GPC3: variants seen among roughly 807,000 people sequenced by gnomAD.
GPC3 encodes the protein glypican-3.
A neutral mutation model predicts 34.4 loss-of-function variants in GPC3; 3 were observed. That is an observed-to-expected ratio of 0.09 (90% CI 0.04 to 0.23). GPC3 has a LOEUF of 0.23. GPC3 is among the 10% of genes least tolerant of loss of function. GPC3 has a pLI of 1.00. For missense variants in GPC3, 351 were observed against 445.6 expected, an observed-to-expected ratio of 0.79 and a Z score of 1.91; for synonymous variants, 177 against 174.0, an observed-to-expected ratio of 1.02 and a Z score of -0.13.
chrX:133,592,662 A>G (rs2069864919), intron 7 of GPC3, among the ~76,000 whole-genome samples: 1 of 111,386 alleles, frequency 9.0e-6, no homozygotes, highest in African/African-American at 3.3e-5. Context: ...TTAGTAATGA[A>G]TTCAGAGGAC....
At chrX:133,968,608 G>C (rs184797430) in intron 1 of GPC3, among the ~76,000 whole-genome samples, 4 of 111,498 alleles carry the variant, frequency 3.6e-5, no homozygotes, top group Admixed American at 1.9e-4. Flanking sequence ...ACAGTGCCTG[G>C]CTCAATAAAT....
chrX:133,763,908 T>C (rs1257431251), intron 2 of GPC3, among the ~76,000 whole-genome samples: 1 of 111,685 alleles, frequency 9.0e-6, no homozygotes, highest in Non-Finnish European at 1.9e-5. Context: ...AACCTAGTAA[T>C]CTCATTACTG....
chrX:133,669,419 A>T (rs1243813897), intron 5 of GPC3, among the ~76,000 whole-genome samples: 1 of 112,150 alleles, frequency 8.9e-6, no homozygotes, highest in Non-Finnish European at 1.9e-5. Flanking sequence ...CCCAGAGGGA[A>T]GTCAATCGAT....
intron 5 of GPC3, among the ~76,000 whole-genome samples, chrX:133,691,344 CA>C (rs937281217): frequency 9.1e-6 from 1 of 109,861 alleles, no homozygotes; most frequent in Non-Finnish European, 1.9e-5. Context: ...ACTAAAAATA[CA>C]AAAGTTAGCC....
At chrX:133,644,890 C>T (rs927743300) in intron 6 of GPC3, among the ~76,000 whole-genome samples, 1 of 110,746 alleles carries the variant, frequency 9.0e-6, no homozygotes. Flanking sequence ...AAGTGATTCT[C>T]GTGCCTCAGC....
chrX:133,617,253 C>G lies in GPC3; in HGVS notation c.1414-20654G>C, dbSNP rs142325926. 6.9e-4 allele frequency among the ~76,000 whole-genome samples: 77 copies of G among 111,609 alleles called. 1 individual carries two copies. In the East Asian group the frequency reaches 0.02, roughly 29 times the overall value. ...TTGAAGCCTACAGCCATTTCTTTTT[C>G]TAATTCTATTGTCTCATTTCCTTCT... On this transcript the variant is annotated intron_variant, in intron 6 of 7. Coordinates refer to ENST00000370818, the MANE Select transcript of GPC3 (RefSeq NM_004484.4).
chrX:133,611,506 A>T (rs1301479679), intron 6 of GPC3, among the ~76,000 whole-genome samples: 1 of 111,862 alleles, frequency 8.9e-6, no homozygotes, highest in Non-Finnish European at 1.9e-5. Context: ...ATTTTCTCCT[A>T]TTCATTTCTT....
intron 6 of GPC3, among the ~76,000 whole-genome samples, chrX:133,625,464 G>A (rs758322220): frequency 1.8e-4 from 20 of 111,927 alleles, no homozygotes; most frequent in African/African-American, 2.9e-4. Flanking sequence ...CAACTTCAGC[G>A]AAGTCTCAGG....
chrX:133,746,595 C>T (rs980645394), intron 3 of GPC3, among the ~76,000 whole-genome samples: 1 of 112,316 alleles, frequency 8.9e-6, no homozygotes, highest in Admixed American at 9.4e-5. Flanking sequence ...ATGGAAATCA[C>T]TGAAGCTATT....
intron 2 of GPC3, among the ~76,000 whole-genome samples, chrX:133,889,455 G>A (rs1049013727): frequency 1.8e-5 from 2 of 111,706 alleles, no homozygotes; most frequent in African/African-American, 6.5e-5. Context: ...TTTCTTATCC[G>A]ATAAATATGT....
At chrX:133,616,353 A>T (rs139579457) in intron 6 of GPC3, among the ~76,000 whole-genome samples, 140 of 111,968 alleles carry the variant, frequency 1.3e-3, no homozygotes, top group Non-Finnish European at 2.2e-3. Flanking sequence ...ACTACAAAAC[A>T]TCACAACAAG....
intron 2 of GPC3, among the ~76,000 whole-genome samples, chrX:133,840,404 A>G (rs900034779): frequency 5.4e-5 from 6 of 111,014 alleles, no homozygotes; most frequent in Admixed American, 9.6e-5. Flanking sequence ...ACAGGTGTCA[A>G]TCTCAACCTG....
chrX:133,925,506 G>A (rs1024657397), intron 2 of GPC3, among the ~76,000 whole-genome samples: 19 of 111,952 alleles, frequency 1.7e-4, no homozygotes, highest in East Asian at 8.5e-4. Flanking sequence ...TCAATGACTG[G>A]TGTGATGGCA....
intron 5 of GPC3, among the ~76,000 whole-genome samples, chrX:133,678,005 G>GA (rs1426235189): frequency 9.0e-6 from 1 of 111,190 alleles, no homozygotes; most frequent in Non-Finnish European, 1.9e-5. Context: ...AACCTTGCAG[G>GA]AGAGAAGTCA....
chrX:133,804,684 C>A (rs1314099290), intron 2 of GPC3, among the ~76,000 whole-genome samples: 1 of 111,556 alleles, frequency 9.0e-6, no homozygotes, highest in African/African-American at 3.3e-5. Flanking sequence ...ATTCTAACAT[C>A]CCTACCTTAT....
At chrX:133,711,159 G>C (rs1011593754) in intron 3 of GPC3, among the ~76,000 whole-genome samples, 13 of 111,834 alleles carry the variant, frequency 1.2e-4, no homozygotes, top group Non-Finnish European at 2.1e-4. Context: ...CTTGTTTATT[G>C]TCTCTTATAA....
At chrX:133,590,287 A>G (rs1050311464) in intron 7 of GPC3, among the ~76,000 whole-genome samples, 2 of 111,377 alleles carry the variant, frequency 1.8e-5, no homozygotes, top group African/African-American at 6.5e-5. Flanking sequence ...GAATGTATAA[A>G]TTGTTCAGTC....
chrX:133,780,031 A>AATGGTT (rs1317541412), intron 2 of GPC3, among the ~76,000 whole-genome samples: 1 of 111,915 alleles, frequency 8.9e-6, no homozygotes, highest in African/African-American at 3.2e-5. Flanking sequence ...GATGAAATGA[A>AATGGTT]ATGGTTATGG....
intron 2 of GPC3, among the ~76,000 whole-genome samples, chrX:133,844,635 A>G (rs2075839768): frequency 8.9e-6 from 1 of 111,891 alleles, no homozygotes; most frequent in Admixed American, 9.5e-5. Context: ...TAAAGAAAAT[A>G]AAATAAAAGA....
Sources: gnomAD v4.1 joint callset for allele counts (sites outside exome capture counted in the v4.1 genomes callset) on GRCh38, gnomAD v4.1.1 for gene constraint, MANE v1.5 for transcripts, NCBI Gene and HGNC (gene_info 2026-07-23, HGNC 2026-07-21) for gene names.